DYNC2I1: variants seen among roughly 807,000 people sequenced by gnomAD.
The protein encoded by DYNC2I1 is dynein 2 intermediate chain 1, also known as cytoplasmic dynein 2 intermediate chain 1.
DYNC2I1 carries 89 observed loss-of-function variants against 133.4 expected under a neutral mutation model. The observed-to-expected ratio is 0.67, with a 90% CI of 0.56 to 0.80. DYNC2I1 has a LOEUF of 0.80. DYNC2I1 is among the 30% of genes least tolerant of loss of function. The pLI, the probability that DYNC2I1 is intolerant of heterozygous loss-of-function variation, is 0.00. For synonymous variants in DYNC2I1, 504 were observed against 484.3 expected, an observed-to-expected ratio of 1.04 and a Z score of -0.54; for missense variants, 1,291 against 1,314.5, an observed-to-expected ratio of 0.98 and a Z score of 0.28.
At chr7:158,932,245 T>C (rs1225130707) in intron 21 of DYNC2I1, among the ~76,000 whole-genome samples, 1 of 152,020 alleles carries the variant, frequency 6.6e-6, no homozygotes, top group Non-Finnish European at 1.5e-5. Flanking sequence ...TGTCAGGATG[T>C]GCACAAGGCT....
intron 4 of DYNC2I1, among the ~76,000 whole-genome samples, chr7:158,877,805 T>G (rs949040697): frequency 1.3e-5 from 2 of 152,332 alleles, no homozygotes; most frequent in Non-Finnish European, 1.5e-5. Flanking sequence ...AGACTCTCCA[T>G]CTGCGTGGGA....
chr7:158,864,121 G>C (rs116572950), intron 1 of DYNC2I1, among the ~76,000 whole-genome samples: 29 of 140,832 alleles, frequency 2.1e-4, no homozygotes, highest in African/African-American at 5.7e-4. Flanking sequence ...CTCCGGGTGT[G>C]GGGGGGGGAG....
chr7:158,855,914 C>A (rs1404218164), upstream of DYNC2I1, among the ~76,000 whole-genome samples: 1 of 151,324 alleles, frequency 6.6e-6, no homozygotes, highest in African/African-American at 2.4e-5. Context: ...AAGTGCAAAG[C>A]CTTATTCAAA....
intron 1 of DYNC2I1, among the ~76,000 whole-genome samples, chr7:158,865,149 GA>G (rs1172185147): frequency 1.3e-5 from 2 of 152,226 alleles, no homozygotes; most frequent in African/African-American, 4.8e-5. Flanking sequence ...TGTCCTCCCT[GA>G]AGTGAGGTTT....
At chr7:158,926,113 G>T in intron 17 of DYNC2I1, 74 bp from the exon 18 acceptor site, 1 of 1,181,666 alleles carries the variant, frequency 8.5e-7, no homozygotes, top group Non-Finnish European at 1.2e-6. Flanking sequence ...CCTCGTGTTT[G>T]TCCCTGTGTG....
At chr7:158,953,904 G>A (rs182989436) in intron 4 of DYNC2I1, among the ~76,000 whole-genome samples, 81 of 152,094 alleles carry the variant, frequency 5.3e-4, no homozygotes, top group African/African-American at 1.9e-3. Flanking sequence ...ATACATACAA[G>A]CATACGTGTA....
At chr7:158,897,006 C>T (rs1352689010) in intron 8 of DYNC2I1, among the ~76,000 whole-genome samples, 11 of 137,244 alleles carry the variant, frequency 8.0e-5, no homozygotes, top group African/African-American at 2.8e-4. Flanking sequence ...TTTTTTGAGA[C>T]AGAGTCTCTC....
chr7:158,902,832 C>T, intron 10 of DYNC2I1: 1 of 509,350 alleles, frequency 2.0e-6, no homozygotes, highest in South Asian at 2.8e-5. Flanking sequence ...TTCTGCTCAG[C>T]ACCCAGGCCT....
chr7:158,843,685 G>A, the DYNC2I1 span, among the ~76,000 whole-genome samples: 5 of 152,106 alleles, frequency 3.3e-5, no homozygotes, highest in South Asian at 2.1e-4. Context: ...CTGAGCCACC[G>A]TGCCCAGCCA....
chr7:158,874,853 A>G (rs1230526645), intron 3 of DYNC2I1, among the ~76,000 whole-genome samples: 1 of 152,158 alleles, frequency 6.6e-6, no homozygotes, highest in African/African-American at 2.4e-5. Context: ...AGTGTACCCC[A>G]CATGAAGCTT....
Position 158,942,133 on chromosome 7 carries a change from A to T in DYNC2I1, c.2987A>T (p.Gln996Leu), listed in dbSNP as rs1851438134. The change falls in exon 24 of 25, where the codon CAG becomes CTG. Residue 996 changes from glutamine to leucine, a missense_variant. Coordinates refer to ENST00000407559, the MANE Select transcript of DYNC2I1 (RefSeq NM_018051.5). ...GATCTGGGTCCTGTCGCCAAACAGCAGGTCTCCCCCAACAGGCAAGTGGGG... is the reference window on the plus strand; with the variant it reads ...GATCTGGGTCCTGTCGCCAAACAGCTGGTCTCCCCCAACAGGCAAGTGGGG... ...QSDLGPVAKQQVSPNRLVAMA... is the reference protein window; with the variant it reads ...QSDLGPVAKQLVSPNRLVAMA... 1.9e-6 allele frequency: 3 copies of T among 1,555,026 alleles called. No homozygotes were observed. Among genetic ancestry groups the T allele is most frequent in the Non-Finnish European group, 2.6e-6 (3 of 1,147,158 alleles).
chr7:158,853,614 G>T (rs144665211), upstream of DYNC2I1, among the ~76,000 whole-genome samples: 20 of 151,446 alleles, frequency 1.3e-4, no homozygotes, highest in East Asian at 3.1e-3. Context: ...AATAGAGAAA[G>T]AATTTAATTC....
At chr7:158,955,583 G>A (rs1852178027) in intron 4 of DYNC2I1, among the ~76,000 whole-genome samples, 1 of 152,224 alleles carries the variant, frequency 6.6e-6, no homozygotes, top group South Asian at 2.1e-4. Flanking sequence ...TTCTGGCGCT[G>A]CCTTGTGGGT....
At chr7:158,883,575 T>C (rs1844272805) in intron 5 of DYNC2I1, among the ~76,000 whole-genome samples, 1 of 148,512 alleles carries the variant, frequency 6.7e-6, no homozygotes, top group African/African-American at 2.5e-5. Context: ...TATTGTAAGC[T>C]TCCTCCAGTT....
chr7:158,900,421 C>T (rs945142683), intron 8 of DYNC2I1, among the ~76,000 whole-genome samples: 7 of 152,200 alleles, frequency 4.6e-5, no homozygotes, highest in Non-Finnish European at 4.4e-5. Flanking sequence ...CGCGCCCAGC[C>T]TGTAATTCTT....
At chr7:158,854,859 G>A (rs146608419), upstream of DYNC2I1, among the ~76,000 whole-genome samples, 33 of 152,318 alleles carry the variant, frequency 2.2e-4, no homozygotes, top group African/African-American at 4.8e-4. Flanking sequence ...TACAATTGGC[G>A]TGTCTTTGTT....
intron 14 of DYNC2I1, among the ~76,000 whole-genome samples, chr7:158,915,330 GGAT>G (rs1847973665): frequency 6.7e-6 from 1 of 150,200 alleles, no homozygotes; most frequent in Non-Finnish European, 1.5e-5. Context: ...TTGACATTAA[GGAT>G]GATTGTGAAA....
chr7:158,912,245 A>G (rs889523887), intron 12 of DYNC2I1, among the ~76,000 whole-genome samples: 4 of 152,238 alleles, frequency 2.6e-5, no homozygotes, highest in African/African-American at 7.2e-5. Flanking sequence ...AGTATTTCCA[A>G]TCATTAATTC....
At chr7:158,916,372 G>A (rs1848294190) in intron 14 of DYNC2I1, among the ~76,000 whole-genome samples, 2 of 92,276 alleles carry the variant, frequency 2.2e-5, no homozygotes, top group Non-Finnish European at 5.0e-5. Context: ...ACGTCGACAC[G>A]CTGGTTGACA....
Sources: allele counts gnomAD v4.1 joint callset (sites outside exome capture counted in the v4.1 genomes callset), GRCh38; gene constraint gnomAD v4.1.1; transcripts MANE v1.5; gene names NCBI Gene and HGNC (gene_info 2026-07-23, HGNC 2026-07-21).